The following CBFA2T3 variants were observed in gnomAD, a reference collection of about 807,000 sequenced individuals.
CBFA2T3 encodes CBFA2/RUNX1 partner transcriptional co-repressor 3, also known as transcriptional corepressor CBFA2T3.
A neutral mutation model predicts 58.6 loss-of-function variants in CBFA2T3; 31 were observed. That is an observed-to-expected ratio of 0.53 (90% CI 0.40 to 0.71). The LOEUF (loss-of-function observed/expected upper bound fraction) is 0.71. Among genes scored for constraint, CBFA2T3 ranks in the 30% least tolerant of loss-of-function variants. The pLI is 0.00. For missense variants in CBFA2T3, 1,076 were observed against 963.1 expected (o/e 1.12, Z -1.55); for synonymous variants, 531 against 421.9 (o/e 1.26, Z -3.17).
intron 1 of CBFA2T3, among the ~76,000 whole-genome samples, chr16:88,973,272 C>T (rs796805914): frequency 6.6e-6 from 1 of 152,256 alleles, no homozygotes; most frequent in African/African-American, 2.4e-5. Flanking sequence ...AAGAAGGAGG[C>T]AGAGGAAGAT....
intron 1 of CBFA2T3, chr16:88,939,533 A>G (rs1231814432): frequency 6.6e-6 from 1 of 152,292 alleles, no homozygotes; most frequent in Admixed American, 6.5e-5. Context: ...CCGCTTGCCC[A>G]GCAGGACGGT....
chr16:88,962,459 C>T (rs12444214), intron 1 of CBFA2T3, among the ~76,000 whole-genome samples: 23,126 of 152,252 alleles, frequency 0.15, 2,019 homozygotes, highest in Middle Eastern at 0.26. Flanking sequence ...CTGTGGGGGA[C>T]GCTGAGGCTT....
At chr16:88,905,137 G>A (rs945138793) in intron 1 of CBFA2T3, among the ~76,000 whole-genome samples, 3 of 152,090 alleles carry the variant, frequency 2.0e-5, no homozygotes, top group African/African-American at 7.2e-5. Flanking sequence ...GGAGGGGGGT[G>A]GGGGAGTGGG....
chr16:88,953,845 A>G lies in CBFA2T3; in HGVS notation c.151+22812T>C, dbSNP rs1219439969. On this transcript the variant is annotated intron_variant, in intron 1 of 11. Coordinates refer to ENST00000268679, the MANE Select transcript of CBFA2T3 (RefSeq NM_005187.6). The surrounding 1 kb of genome is among the most constrained non-coding windows in gnomAD (Gnocchi z 4.9). ...CTTAAGGGGGATGGCTCCCCTTAAG[A>G]TGACTTTGGGGCTGCCATGGGCCTT... is the stretch of plus-strand genomic sequence containing the variant. 6.6e-6 allele frequency among the ~76,000 whole-genome samples: 1 copy of G among 152,038 alleles called. No homozygotes were observed. The highest frequency in any genetic ancestry group is 1.9e-4 in the East Asian group (1 of 5,176).
intron 1 of CBFA2T3, among the ~76,000 whole-genome samples, chr16:88,948,090 A>C (rs758752246): frequency 6.6e-6 from 1 of 152,176 alleles, no homozygotes; most frequent in Non-Finnish European, 1.5e-5. Context: ...AAGCCAGAGA[A>C]TCTTCAGTCC....
chr16:88,925,669 G>A (rs1203253622), intron 1 of CBFA2T3, among the ~76,000 whole-genome samples: 1 of 152,200 alleles, frequency 6.6e-6, no homozygotes, highest in East Asian at 1.9e-4. Context: ...CAGGGTAACC[G>A]GAGGCTTCTA....
At position 88,881,364 on chromosome 16, in the gene CBFA2T3, G is replaced by A; in HGVS notation, c.1329C>T (p.Asp443=). The change falls in exon 9 of 12, where the codon GAC becomes GAT. Residue 443 remains aspartate (D), a synonymous_variant. Transcript: ENST00000268679. ...CGGCGGGAGCGGGGCCCTTCTTTGT[G>A]TCCTCGGCGTCGCTGTAGCGCCGCG... The part of the protein sequence containing the change: ...HWARRYSDAE[D]TKKGPAPAAA... 6.3e-7 allele frequency: 1 copy of A among 1,586,264 alleles called. No individual in the cohort carries two copies. Among genetic ancestry groups the A allele is most frequent in the Non-Finnish European group, 8.6e-7 (1 of 1,167,990 alleles).
chr16:88,942,151 C>G (rs1478490957), intron 1 of CBFA2T3, among the ~76,000 whole-genome samples: 1 of 152,180 alleles, frequency 6.6e-6, no homozygotes, highest in Non-Finnish European at 1.5e-5. Context: ...CTGCTCTGCC[C>G]TCTCCGCACT....
At chr16:88,900,928 G>T (rs554072929) in intron 2 of CBFA2T3, among the ~76,000 whole-genome samples, 1 of 152,338 alleles carries the variant, frequency 6.6e-6, no homozygotes, top group Admixed American at 6.5e-5. Context: ...GCTTCTTGAG[G>T]TCCCACCCTT....
chr16:88,966,568 G>A (rs892576942), intron 1 of CBFA2T3, among the ~76,000 whole-genome samples: 2 of 152,018 alleles, frequency 1.3e-5, no homozygotes, highest in South Asian at 2.1e-4. Flanking sequence ...AGAAGCACCC[G>A]GTGCCAGGCC....
Position 88,888,898 on chromosome 16 carries a change from C to T in CBFA2T3, c.712-2756G>A, listed in dbSNP as rs971660177. ...TACCAAGGGGAGACTGAGGTGGACA[C>T]GGCCCTCACGAGAGCCGGGCCGCGG... On this transcript the variant is annotated intron_variant, in intron 5 of 11. Transcript: ENST00000268679. 7.2e-5 allele frequency among the ~76,000 whole-genome samples: 11 copies of T among 151,752 alleles called. No individual in the cohort carries two copies. In the East Asian group the frequency reaches 1.2e-3, roughly 16 times the overall value.
intron 1 of CBFA2T3, among the ~76,000 whole-genome samples, chr16:88,972,334 G>GT (rs912888016): frequency 6.6e-6 from 1 of 152,164 alleles, no homozygotes; most frequent in African/African-American, 2.4e-5. Flanking sequence ...TGGGGAGATA[G>GT]TTGGGGGGGA....
In CBFA2T3 at chr16:88,892,458, G is replaced by A. The variant is rs1969679709; in HGVS notation, c.407C>T (p.Thr136Ile). The change falls in exon 4 of 12, where the codon ACA (threonine) becomes ATA (isoleucine). Residue 136 changes from threonine (T) to isoleucine (I), a missense_variant. Transcript: ENST00000268679. ...TGTGCACGGTGCACCATTGATGGCT[G>A]TTGGTGAGTGGCTGCTGCCGTTCAT... ...LLMNGSSHSPTAINGAPCTPN... is the reference protein window; with the variant it reads ...LLMNGSSHSPIAINGAPCTPN... The A allele has an allele frequency of 1.9e-6, 3 of 1,613,140 alleles. No individual in the cohort carries two copies. Among genetic ancestry groups the A allele is most frequent in the African/African-American group, 1.3e-5 (1 of 74,954 alleles).
chr16:88,966,617 G>A (rs1021118373), intron 1 of CBFA2T3, among the ~76,000 whole-genome samples: 5 of 152,172 alleles, frequency 3.3e-5, no homozygotes, highest in East Asian at 1.9e-4. Context: ...CTTGGAGGCC[G>A]GCCCTGGTTT....
chr16:88,935,598 A>G (rs1306126512), intron 1 of CBFA2T3, among the ~76,000 whole-genome samples: 1 of 152,218 alleles, frequency 6.6e-6, no homozygotes, highest in East Asian at 1.9e-4. Flanking sequence ...GAGCAGGCAC[A>G]GGGCCTGGGG....
At chr16:88,899,589 G>A (rs746215286) in intron 2 of CBFA2T3, among the ~76,000 whole-genome samples, 1 of 152,102 alleles carries the variant, frequency 6.6e-6, no homozygotes, top group Admixed American at 6.5e-5. Flanking sequence ...GTCTCCAGAA[G>A]CAGAGCCCGA....
Position 88,970,835 on chromosome 16 carries a change from C to T in CBFA2T3, c.151+5822G>A, listed in dbSNP as rs566566844. ...CACCAGAGCCCCTGTCTCGTGCAGC[C>T]GACGCTGGGGGCCGGGGGATGAGTA... On this transcript the variant is annotated intron_variant, in intron 1 of 11. Transcript: ENST00000268679. 1.9e-3 allele frequency among the ~76,000 whole-genome samples: 284 copies of T among 152,340 alleles called. 2 individuals carry two copies. In the South Asian group the frequency reaches 0.028, roughly 15 times the overall value.
intron 2 of CBFA2T3, among the ~76,000 whole-genome samples, chr16:88,900,501 G>C (rs1970054874): frequency 6.6e-6 from 1 of 152,226 alleles, no homozygotes; most frequent in African/African-American, 2.4e-5. Context: ...GTGACGTAAA[G>C]GGACTGAGGA....
chr16:88,971,938 G>C (rs577812139), intron 1 of CBFA2T3, among the ~76,000 whole-genome samples: 1 of 152,358 alleles, frequency 6.6e-6, no homozygotes, highest in South Asian at 2.1e-4. Context: ...ACTGCTTCTC[G>C]GTCCACATGT....
Sources: gnomAD v4.1 joint callset for allele counts (sites outside exome capture counted in the v4.1 genomes callset) on GRCh38, gnomAD v4.1.1 for gene constraint, Gnocchi (gnomAD v3.1) non-coding constraint, MANE v1.5 for transcripts, NCBI Gene and HGNC (gene_info 2026-07-23, HGNC 2026-07-21) for gene names.